The following DOK6 variants were observed in gnomAD, a reference collection of about 807,000 sequenced individuals.
DOK6 encodes the protein downstream of tyrosine kinase 6.
DOK6 carries 22 observed loss-of-function variants against 44.0 expected under a neutral mutation model. The observed-to-expected ratio is 0.50, with a 90% CI of 0.36 to 0.71. The LOEUF (loss-of-function observed/expected upper bound fraction) is 0.71, where lower values mean the gene tolerates loss of function less well. Among genes scored for constraint, DOK6 ranks in the 30% least tolerant of loss-of-function variants. The pLI is 0.00. For missense variants in DOK6, 340 were observed against 416.4 expected (o/e 0.82, Z 1.60); for synonymous variants, 166 against 145.5 (o/e 1.14, Z -1.01).
chr18:69,511,759 T>C (rs1302597445), intron 1 of DOK6, among the ~76,000 whole-genome samples: 2 of 152,254 alleles, frequency 1.3e-5, no homozygotes, highest in African/African-American at 4.8e-5. Flanking sequence ...GCCTTGTTAA[T>C]TGTAAAATAT....
intron 5 of DOK6, among the ~76,000 whole-genome samples, chr18:69,736,258 C>T (rs773426082): frequency 5.3e-5 from 8 of 152,076 alleles, no homozygotes; most frequent in African/African-American, 1.2e-4. Flanking sequence ...TGGTTGAAAT[C>T]GGTGCCCTAG....
chr18:69,669,677 C>G (rs901963303), intron 3 of DOK6, among the ~76,000 whole-genome samples: 1 of 152,128 alleles, frequency 6.6e-6, no homozygotes, highest in Non-Finnish European at 1.5e-5. Flanking sequence ...CGCACCCCCC[C>G]GCCGACCCTC....
intron 3 of DOK6, among the ~76,000 whole-genome samples, chr18:69,612,553 G>C (rs1007571686): frequency 1.6e-5 from 2 of 126,910 alleles, no homozygotes; most frequent in Non-Finnish European, 1.7e-5. Flanking sequence ...TCACCCAACC[G>C]ACTCCTACAT....
chr18:69,791,546 T>C (rs1980598532), intron 7 of DOK6, among the ~76,000 whole-genome samples: 2 of 152,214 alleles, frequency 1.3e-5, no homozygotes, highest in Admixed American at 6.5e-5. Context: ...GCCATTCGTA[T>C]GTCTTCTTTC....
intron 2 of DOK6, among the ~76,000 whole-genome samples, chr18:69,586,030 A>G (rs912168380): frequency 1.3e-5 from 2 of 152,196 alleles, no homozygotes; most frequent in Admixed American, 6.5e-5. Context: ...TGTCTTATAT[A>G]TAATGGTAGG....
intron 1 of DOK6, among the ~76,000 whole-genome samples, chr18:69,546,149 T>C (rs1249370460): frequency 6.6e-6 from 1 of 150,874 alleles, no homozygotes; most frequent in Admixed American, 6.6e-5. Flanking sequence ...TGGTGGCGCA[T>C]GCCTGTAATC....
intron 7 of DOK6, among the ~76,000 whole-genome samples, chr18:69,801,138 T>C (rs1980894896): frequency 6.6e-6 from 1 of 150,606 alleles, no homozygotes; most frequent in Non-Finnish European, 1.5e-5. Flanking sequence ...TGTTTTGTTT[T>C]AGTGACTCAT....
At chr18:69,433,233 G>T (rs1348612543) in intron 1 of DOK6, among the ~76,000 whole-genome samples, 1 of 152,036 alleles carries the variant, frequency 6.6e-6, no homozygotes, top group Non-Finnish European at 1.5e-5. Context: ...TTATTTATTA[G>T]TGCTAATTGA....
intron 7 of DOK6, among the ~76,000 whole-genome samples, chr18:69,825,333 G>A (rs947650601): frequency 6.6e-6 from 1 of 151,550 alleles, no homozygotes; most frequent in Non-Finnish European, 1.5e-5. Flanking sequence ...AGTAGTGAGA[G>A]CACAGAGTGA....
intron 1 of DOK6, among the ~76,000 whole-genome samples, chr18:69,481,442 C>G (rs1342742078): frequency 1.3e-5 from 2 of 151,874 alleles, no homozygotes. Context: ...TCTCATTGTT[C>G]AATTCCCACC....
intron 7 of DOK6, among the ~76,000 whole-genome samples, chr18:69,802,622 G>A (rs1980935785): frequency 6.6e-6 from 1 of 152,122 alleles, no homozygotes; most frequent in African/African-American, 2.4e-5. Flanking sequence ...ACCGTAATGA[G>A]TGAGTTCTCA....
intron 7 of DOK6, among the ~76,000 whole-genome samples, chr18:69,772,150 A>T (rs1372758291): frequency 6.6e-6 from 1 of 152,032 alleles, no homozygotes; most frequent in African/African-American, 2.4e-5. Flanking sequence ...AGTCTGGGTG[A>T]CAGAATGAGA....
chr18:69,562,900 A>T lies in DOK6; in HGVS notation c.67-1587A>T, dbSNP rs1267825650. Among the ~76,000 whole-genome samples, 3 of 152,244 alleles carry T rather than the reference A, an allele frequency of 2.0e-5. No homozygotes were observed. In the South Asian group the frequency reaches 6.2e-4, roughly 31 times the overall value. On this transcript the variant is annotated intron_variant, in intron 1 of 7. Coordinates refer to ENST00000382713, the MANE Select transcript of DOK6 (RefSeq NM_152721.6). ...AGGAGAAAATTTTTGAAATCTACTT[A>T]TCTGACAAAGGGCTAATATCCAGAA...
At chr18:69,460,433 A>G (rs1979756311) in intron 1 of DOK6, among the ~76,000 whole-genome samples, 2 of 152,202 alleles carry the variant, frequency 1.3e-5, no homozygotes, top group African/African-American at 2.4e-5. Flanking sequence ...ATATTGAGGT[A>G]TATTAATATC....
chr18:69,583,240 G>C (rs1345823075), intron 2 of DOK6, among the ~76,000 whole-genome samples: 1 of 152,126 alleles, frequency 6.6e-6, no homozygotes, highest in Admixed American at 6.5e-5. Flanking sequence ...TTCCAAATCT[G>C]ATGGGTGTAA....
intron 7 of DOK6, among the ~76,000 whole-genome samples, chr18:69,778,839 T>C (rs1416969542): frequency 6.6e-6 from 1 of 152,180 alleles, no homozygotes; most frequent in Non-Finnish European, 1.5e-5. Context: ...TCTGAAAATA[T>C]AGCATAGTAC....
At chr18:69,778,649 G>T (rs1421058632) in intron 7 of DOK6, among the ~76,000 whole-genome samples, 1 of 152,070 alleles carries the variant, frequency 6.6e-6, no homozygotes, top group Non-Finnish European at 1.5e-5. Context: ...AAGGAGGGAA[G>T]GTGTGTGTGA....
intron 1 of DOK6, among the ~76,000 whole-genome samples, chr18:69,514,035 A>G (rs1264554493): frequency 1.3e-5 from 2 of 152,092 alleles, no homozygotes; most frequent in African/African-American, 4.8e-5. Context: ...AATATTATGT[A>G]ACAATAATTC....
chr18:69,824,220 G>T (rs1308423895), intron 7 of DOK6, among the ~76,000 whole-genome samples: 3 of 74,588 alleles, frequency 4.0e-5, no homozygotes, highest in Non-Finnish European at 5.0e-5. Context: ...AACAGGCCCC[G>T]GTGTGTGATG....
Sources: gnomAD v4.1 joint callset for allele counts (sites outside exome capture counted in the v4.1 genomes callset) on GRCh38, gnomAD v4.1.1 for gene constraint, MANE v1.5 for transcripts, NCBI Gene and HGNC (gene_info 2026-07-23, HGNC 2026-07-21) for gene names.